Variants in ATP2C1 observed in about 807,000 individuals in gnomAD.
The protein encoded by ATP2C1 is calcium-transporting ATPase type 2C member 1.
Under a neutral mutation model 120.5 loss-of-function variants are expected in ATP2C1, and 31 were observed. The observed-to-expected ratio is 0.26, with a 90% CI of 0.19 to 0.35. ATP2C1 has a LOEUF of 0.35. Among genes scored for constraint, ATP2C1 ranks in the 10% least tolerant of loss-of-function variants. The pLI is 1.00. For synonymous variants in ATP2C1, 351 were observed against 358.7 expected (o/e 0.98, Z 0.24); for missense variants, 731 against 1,107.5 (o/e 0.66, Z 4.83).
rs115516433 is a variant in ATP2C1, at chr3:130,979,364, A to G, written c.1686A>G (p.Ser562=). The stretch of plus-strand genomic sequence containing the variant: ...AAGCTGTTACAACACTCATTGCCTC[A>G]GGAGTATCAATAAAAATGATTACTG... The part of the protein sequence containing the change: ...VKEAVTTLIA[S]GVSIKMITGD... The change falls in exon 19 of 28, where the codon TCA becomes TCG. Residue 562 remains serine (S), a synonymous_variant. Coordinates refer to ENST00000510168, the MANE Select transcript of ATP2C1 (RefSeq NM_001378687.1). The G allele has an allele frequency of 3.7e-6, 6 of 1,613,726 alleles. No homozygotes were observed. The African/African-American group carries it at 8.0e-5, about 22-fold the overall frequency.
At chr3:130,944,623 A>G (rs988394338) in intron 8 of ATP2C1, among the ~76,000 whole-genome samples, 1 of 152,212 alleles carries the variant, frequency 6.6e-6, no homozygotes, top group Non-Finnish European at 1.5e-5. Flanking sequence ...CTGTAGAGCT[A>G]TATAGCATGT....
intron 4 of ATP2C1, among the ~76,000 whole-genome samples, chr3:130,934,096 G>A (rs945033760): frequency 1.3e-5 from 2 of 152,192 alleles, no homozygotes; most frequent in Non-Finnish European, 2.9e-5. Context: ...ATGATTTGCT[G>A]TGGTAGATAG....
chr3:130,992,998 T>C lies in ATP2C1; in HGVS notation c.1887T>C (p.Ile629=), dbSNP rs746062883. The change falls in exon 21 of 28, where the codon ATT becomes ATC. Residue 629 remains isoleucine (I), a synonymous_variant. Coordinates refer to ENST00000510168, the MANE Select transcript of ATP2C1 (RefSeq NM_001378687.1). ...RASPRHKMKI[I]KSLQKNGSVV... Reference sequence around the variant, plus strand: ...GCCCAAGGCACAAGATGAAAATTATTAAGGTGAGTGTGTAAGAATCAGATT... The same window carrying C: ...GCCCAAGGCACAAGATGAAAATTATCAAGGTGAGTGTGTAAGAATCAGATT... The C allele has an allele frequency of 1.2e-6, 2 of 1,611,592 alleles. No homozygotes were observed. Among genetic ancestry groups the C allele is most frequent in the Non-Finnish European group, 1.7e-6 (2 of 1,177,926 alleles).
chr3:130,901,232 A>G (rs999210453), intron 2 of ATP2C1, among the ~76,000 whole-genome samples: 1 of 152,176 alleles, frequency 6.6e-6, no homozygotes, highest in Non-Finnish European at 1.5e-5. Context: ...AACTAGTATC[A>G]GATGAGAAAT....
intron 2 of ATP2C1, among the ~76,000 whole-genome samples, chr3:130,912,659 T>G (rs2058487903): frequency 7.0e-6 from 1 of 142,136 alleles, no homozygotes; most frequent in Non-Finnish European, 1.5e-5. Flanking sequence ...TTGGTGGGAC[T>G]GTAAACTAGT....
At chr3:130,859,890 C>T (rs1015004060) in intron 1 of ATP2C1, among the ~76,000 whole-genome samples, 1 of 152,092 alleles carries the variant, frequency 6.6e-6, no homozygotes, top group African/African-American at 2.4e-5. Flanking sequence ...CAACAAATTA[C>T]AAATTCGAAT....
At chr3:130,959,080 G>C (rs949532019) in intron 11 of ATP2C1, among the ~76,000 whole-genome samples, 195 bp from the exon 12 acceptor site, 7 of 152,062 alleles carry the variant, frequency 4.6e-5, no homozygotes, top group African/African-American at 1.7e-4. Context: ...ACGTATGTGA[G>C]TATGCACAGC....
At chr3:131,014,372 G>C (rs1377847671) in intron 26 of ATP2C1, 1 of 1,600,974 alleles carries the variant, frequency 6.2e-7, no homozygotes, top group Non-Finnish European at 8.5e-7. Context: ...CGTGCACCAG[G>C]CTTCCACTGT....
Position 130,894,583 on chromosome 3 carries a change from C to T in ATP2C1, c.-180-7C>T, listed in dbSNP as rs1042400853. 21 of 1,481,500 alleles carry T rather than the reference C, an allele frequency of 1.4e-5. No individual in the cohort carries two copies. Among genetic ancestry groups the T allele is most frequent in the African/African-American group, 8.5e-5 (6 of 70,636 alleles). 91.8% of individuals were successfully genotyped at this position (1,481,500 alleles called of 1,614,324 possible). A position where few individuals can be genotyped will look rare whatever the true frequency, so the allele number is the denominator to read the frequency against. Reference sequence around the variant, plus strand: ...GTCAGCGCCGCTTCTCCTGGTTTCTCTTGCAGATGCTGCTGCTAGGGGTGG... The same window carrying T: ...GTCAGCGCCGCTTCTCCTGGTTTCTTTTGCAGATGCTGCTGCTAGGGGTGG... On this transcript the variant is annotated splice_polypyrimidine_tract_variant and splice_region_variant and intron_variant, in intron 1 of 27. Transcript: ENST00000510168. The surrounding 1 kb of genome is among the most constrained non-coding windows in gnomAD (Gnocchi z 4.5).
upstream of ATP2C1, among the ~76,000 whole-genome samples, chr3:130,893,588 C>T (rs949104382): frequency 1.1e-4 from 16 of 152,242 alleles, no homozygotes; most frequent in African/African-American, 3.9e-4. Context: ...TGGGCCTCAA[C>T]GTTGCCTGCT....
chr3:130,951,333 C>T (rs1236152519), intron 8 of ATP2C1, among the ~76,000 whole-genome samples: 1 of 152,090 alleles, frequency 6.6e-6, no homozygotes, highest in African/African-American at 2.4e-5. Context: ...ACCTCTATAA[C>T]GTTGGATGAG....
At chr3:130,947,252 A>T (rs925454641) in intron 8 of ATP2C1, among the ~76,000 whole-genome samples, 2 of 140,598 alleles carry the variant, frequency 1.4e-5, no homozygotes, top group Non-Finnish European at 3.0e-5. Context: ...CCACCACATT[A>T]AAAAAAAAAA....
At chr3:130,983,772 T>A (rs1314261493) in intron 20 of ATP2C1, among the ~76,000 whole-genome samples, 1 of 152,222 alleles carries the variant, frequency 6.6e-6, no homozygotes, top group East Asian at 1.9e-4. Flanking sequence ...ATATGTAGCC[T>A]TTGCAGACTG....
At chr3:130,926,063 A>T (rs1280009364) in intron 2 of ATP2C1, among the ~76,000 whole-genome samples, 2 of 152,168 alleles carry the variant, frequency 1.3e-5, no homozygotes, top group Non-Finnish European at 2.9e-5. Flanking sequence ...CTCCCCCTTG[A>T]GAAAGCAAAT....
intron 1 of ATP2C1, among the ~76,000 whole-genome samples, chr3:130,862,830 G>A (rs1399364309): frequency 6.6e-6 from 1 of 152,178 alleles, no homozygotes; most frequent in Non-Finnish European, 1.5e-5. Flanking sequence ...CTTTCTTTGA[G>A]CCAGATCCAA....
At chr3:130,880,136 A>G (rs2068735714) in intron 1 of ATP2C1, among the ~76,000 whole-genome samples, 1 of 152,172 alleles carries the variant, frequency 6.6e-6, no homozygotes, top group Admixed American at 6.5e-5. Context: ...TCATTTGGAA[A>G]ATTACAGAGT....
At chr3:130,893,448 G>A (rs551144363), upstream of ATP2C1, among the ~76,000 whole-genome samples, 10 of 152,284 alleles carry the variant, frequency 6.6e-5, no homozygotes, top group South Asian at 6.2e-4. Context: ...AAGTCGCCCC[G>A]CGATTACCGG....
intron 22 of ATP2C1, among the ~76,000 whole-genome samples, chr3:130,995,650 T>C (rs1026486521): frequency 1.2e-4 from 18 of 152,314 alleles, no homozygotes; most frequent in African/African-American, 4.3e-4. Context: ...TATTTATTTG[T>C]TTGTTTGTTT....
chr3:130,945,922 T>C (rs2060134161), intron 8 of ATP2C1, among the ~76,000 whole-genome samples: 3 of 151,944 alleles, frequency 2.0e-5, no homozygotes, highest in South Asian at 4.1e-4. Context: ...TTTTTGGTCT[T>C]TTGAAAATAT....
Sources: allele counts gnomAD v4.1 joint callset (sites outside exome capture counted in the v4.1 genomes callset), GRCh38; gene constraint gnomAD v4.1.1; non-coding constraint Gnocchi (gnomAD v3.1); transcripts MANE v1.5; gene names NCBI Gene and HGNC (gene_info 2026-07-23, HGNC 2026-07-21).